The following SH3RF3 variants were observed in gnomAD, a reference collection of about 807,000 sequenced individuals.
SH3RF3 encodes SH3 domain containing ring finger 3.
SH3RF3 carries 29 observed loss-of-function variants against 66.3 expected under a neutral mutation model. The observed-to-expected ratio is 0.44, with a 90% confidence interval of 0.33 to 0.60. The LOEUF (loss-of-function observed/expected upper bound fraction) is 0.60, where lower values mean the gene tolerates loss of function less well. SH3RF3 is among the 20% of genes least tolerant of loss of function. The pLI is 0.04. For missense variants in SH3RF3, 1,194 were observed against 1,190.9 expected (o/e 1.00, Z -0.04); for synonymous variants, 583 against 532.0 (o/e 1.10, Z -1.32).
intron 3 of SH3RF3, among the ~76,000 whole-genome samples, chr2:109,376,716 C>T (rs1044374155): frequency 3.9e-5 from 6 of 152,214 alleles, no homozygotes; most frequent in African/African-American, 1.4e-4. Context: ...TTGGCTGCTC[C>T]CTGTGTTGCT....
At chr2:109,156,267 C>T (rs17034962) in intron 1 of SH3RF3, among the ~76,000 whole-genome samples, 6,838 of 152,258 alleles carry the variant, frequency 0.045, 497 homozygotes, top group African/African-American at 0.15. Flanking sequence ...GTCCAACCAC[C>T]AGAGATCGAG....
intron 4 of SH3RF3, among the ~76,000 whole-genome samples, chr2:109,415,121 C>T (rs1676688290): frequency 7.0e-6 from 1 of 142,848 alleles, no homozygotes. Context: ...GGAACGTGGG[C>T]AGCCTCTAGA....
chr2:109,293,573 A>G (rs1488420854), intron 1 of SH3RF3, among the ~76,000 whole-genome samples: 2 of 152,248 alleles, frequency 1.3e-5, no homozygotes, highest in Non-Finnish European at 2.9e-5. Flanking sequence ...AAAGGGTGTG[A>G]AGCCCATGCC....
intron 1 of SH3RF3, among the ~76,000 whole-genome samples, chr2:109,265,732 G>A (rs573990677): frequency 1.1e-4 from 17 of 152,338 alleles, no homozygotes; most frequent in African/African-American, 4.1e-4. Flanking sequence ...AAGTTGCAGG[G>A]TTTTTATCAA....
intron 1 of SH3RF3, among the ~76,000 whole-genome samples, chr2:109,334,353 T>C (rs201896562): frequency 2.1e-5 from 2 of 93,062 alleles, no homozygotes; most frequent in African/African-American, 5.4e-5. Context: ...TTTTTTTTTT[T>C]CCTTTAAAAA....
intron 1 of SH3RF3, among the ~76,000 whole-genome samples, chr2:109,258,235 C>T (rs748411): frequency 0.45 from 68,299 of 151,522 alleles, 15,359 homozygotes; most frequent in African/African-American, 0.48. Context: ...TGGGGGACAG[C>T]CTGGCGCTGT....
chr2:109,468,409 A>T (rs370243400), intron 8 of SH3RF3, among the ~76,000 whole-genome samples: 2 of 152,348 alleles, frequency 1.3e-5, no homozygotes, highest in East Asian at 3.9e-4. Context: ...TTATCATCTT[A>T]TAAGACCCCC....
intron 4 of SH3RF3, among the ~76,000 whole-genome samples, chr2:109,400,573 G>A (rs1268623639): frequency 1.4e-5 from 2 of 144,324 alleles, no homozygotes; most frequent in African/African-American, 2.9e-5. Context: ...ACACACCTGT[G>A]CGCACACACA....
chr2:109,205,288 T>C (rs930077858), intron 1 of SH3RF3, among the ~76,000 whole-genome samples: 3 of 150,342 alleles, frequency 2.0e-5, no homozygotes, highest in African/African-American at 4.9e-5. Context: ...TTAAACTGAG[T>C]CTTGCCATGT....
At chr2:109,338,465 A>AT (rs1682480066) in intron 1 of SH3RF3, among the ~76,000 whole-genome samples, 2 of 150,408 alleles carry the variant, frequency 1.3e-5, no homozygotes, top group Non-Finnish European at 3.0e-5. Flanking sequence ...CAGATACTTT[A>AT]TTTTTTCTTA....
intron 4 of SH3RF3, among the ~76,000 whole-genome samples, chr2:109,416,174 C>CT: frequency 6.6e-6 from 1 of 152,206 alleles, no homozygotes; most frequent in South Asian, 2.1e-4. Context: ...ACTAAACAGA[C>CT]TAAGACATTC....
chr2:109,211,133 A>G (rs1170093461), intron 1 of SH3RF3, among the ~76,000 whole-genome samples: 1 of 152,174 alleles, frequency 6.6e-6, no homozygotes, highest in African/African-American at 2.4e-5. Flanking sequence ...AGAAAACGTT[A>G]CTTGCAGAAT....
intron 1 of SH3RF3, among the ~76,000 whole-genome samples, chr2:109,346,484 G>T (rs62152238): frequency 2.0e-5 from 3 of 151,928 alleles, no homozygotes; most frequent in Admixed American, 6.5e-5. Flanking sequence ...GAAAATCGTT[G>T]GGTATTGACA....
intron 1 of SH3RF3, among the ~76,000 whole-genome samples, chr2:109,239,620 C>T (rs1290533580): frequency 1.3e-5 from 2 of 152,050 alleles, no homozygotes; most frequent in Non-Finnish European, 2.9e-5. Flanking sequence ...CGTGATCATC[C>T]AGGATAACAG....
chr2:109,240,446 C>G (rs960151114), intron 1 of SH3RF3, among the ~76,000 whole-genome samples: 4 of 152,138 alleles, frequency 2.6e-5, no homozygotes. Flanking sequence ...CAAGATCGCA[C>G]CTCTGCACTC....
chr2:109,309,330 A>G (rs1408677813), intron 1 of SH3RF3, among the ~76,000 whole-genome samples: 1 of 150,600 alleles, frequency 6.6e-6, no homozygotes, highest in Non-Finnish European at 1.5e-5. Flanking sequence ...TTGGGCTGAG[A>G]CAAAAGAGCT....
At chr2:109,139,648 A>T (rs996399795) in intron 1 of SH3RF3, among the ~76,000 whole-genome samples, 2 of 152,206 alleles carry the variant, frequency 1.3e-5, no homozygotes, top group African/African-American at 4.8e-5. Flanking sequence ...GTGTACAGTA[A>T]CAAGAGTTTT....
chr2:109,481,900 C>A (rs1452741144), intron 8 of SH3RF3, among the ~76,000 whole-genome samples: 1 of 152,144 alleles, frequency 6.6e-6, no homozygotes, highest in Non-Finnish European at 1.5e-5. Context: ...ACCACGGAAT[C>A]ACTGCTGGAG....
chr2:109,190,400 C>T (rs1678319205), intron 1 of SH3RF3, among the ~76,000 whole-genome samples: 1 of 152,252 alleles, frequency 6.6e-6, no homozygotes, highest in African/African-American at 2.4e-5. Context: ...TCTCAAATTC[C>T]TGACCTCAGG....
Sources: gnomAD v4.1 joint callset for allele counts (sites outside exome capture counted in the v4.1 genomes callset) on GRCh38, gnomAD v4.1.1 for gene constraint, MANE v1.5 for transcripts, NCBI Gene and HGNC (gene_info 2026-07-23, HGNC 2026-07-21) for gene names.